The following MSI2 variants were observed in gnomAD, a reference collection of about 807,000 sequenced individuals.
The protein encoded by MSI2 is RNA-binding protein Musashi homolog 2.
Under a neutral mutation model 45.6 loss-of-function variants are expected in MSI2, and 17 were observed. The observed-to-expected ratio is 0.37, with a 90% confidence interval of 0.26 to 0.56. The LOEUF (loss-of-function observed/expected upper bound fraction) is 0.56. Among genes scored for constraint, MSI2 ranks in the 20% least tolerant of loss-of-function variants. MSI2 has a pLI of 0.77. For missense variants in MSI2, 293 were observed against 444.2 expected (o/e 0.66, Z 3.06); for synonymous variants, 156 against 158.2 (o/e 0.99, Z 0.11).
intron 6 of MSI2, among the ~76,000 whole-genome samples, chr17:57,429,621 C>A (rs1037472274): frequency 1.3e-5 from 2 of 152,202 alleles, no homozygotes; most frequent in African/African-American, 4.8e-5. Context: ...CCCACCTCCC[C>A]ACCCCTGGTT....
intron 5 of MSI2, among the ~76,000 whole-genome samples, chr17:57,386,202 C>T (rs1368263884): frequency 6.6e-6 from 1 of 152,328 alleles, no homozygotes; most frequent in Admixed American, 6.5e-5. Context: ...CATCTAACTT[C>T]ATCTTCTGAT....
intron 6 of MSI2, among the ~76,000 whole-genome samples, chr17:57,412,809 G>A (rs971233291): frequency 7.9e-5 from 12 of 152,204 alleles, no homozygotes; most frequent in African/African-American, 1.4e-4. Context: ...GCTAATAAGA[G>A]CATAGGTTGT....
At position 57,257,150 on chromosome 17, in the gene MSI2, AGGG is replaced by A; in HGVS notation, c.103+17_103+19del. 6 of 454,400 alleles carry A rather than the reference AGGG, an allele frequency of 1.3e-5. No homozygotes were observed. The highest frequency in any genetic ancestry group is 2.1e-5 in the Non-Finnish European group (5 of 241,220). 28.1% of individuals were successfully genotyped at this position (454,400 alleles called of 1,614,324 possible). Reference sequence around the variant, plus strand: ...GCAGACCTCACCAGGTAAGGGAGGGAGGGGGGGACGCCTGGGTCCCCCCCTTCT... The same window carrying A: ...GCAGACCTCACCAGGTAAGGGAGGGAGGGGACGCCTGGGTCCCCCCCTTCT... On this transcript the variant is annotated intron_variant, in intron 2 of 13. Coordinates refer to ENST00000284073, the MANE Select transcript of MSI2 (RefSeq NM_138962.4).
chr17:57,652,017 G>C lies in MSI2; in HGVS notation c.728-82G>C. On this transcript the variant is annotated intron_variant, in intron 10 of 13. Coordinates refer to ENST00000284073, the MANE Select transcript of MSI2 (RefSeq NM_138962.4). The surrounding 1 kb of genome is among the most constrained non-coding windows in gnomAD (Gnocchi z 4.1). The stretch of plus-strand genomic sequence containing the variant: ...CCTGTCTTTGTGTGGAGGGCGGGGG[G>C]TTGTGTGGCCCGTGACCTAGGTCTG... The C allele has an allele frequency of 2.3e-6, 3 of 1,307,964 alleles. No homozygotes were observed. The highest frequency in any genetic ancestry group is 3.3e-6 in the Non-Finnish European group (3 of 903,112). The allele number at this position is 1,307,964 out of a possible 1,614,324, so 81.0% of individuals were successfully genotyped here.
At chr17:57,581,813 C>T (rs2088213962) in intron 7 of MSI2, among the ~76,000 whole-genome samples, 1 of 152,190 alleles carries the variant, frequency 6.6e-6, no homozygotes, top group Non-Finnish European at 1.5e-5. Flanking sequence ...ATGATAAAAC[C>T]AGCATTTCGT....
At chr17:57,581,520 A>G (rs1455802375) in intron 7 of MSI2, among the ~76,000 whole-genome samples, 1 of 152,140 alleles carries the variant, frequency 6.6e-6, no homozygotes, top group Non-Finnish European at 1.5e-5. Flanking sequence ...AAACCCTTCC[A>G]TGTAGGTTCT....
chr17:57,569,766 A>G (rs1305281731), intron 7 of MSI2, among the ~76,000 whole-genome samples: 1 of 152,230 alleles, frequency 6.6e-6, no homozygotes, highest in African/African-American at 2.4e-5. Context: ...GAATGAATTA[A>G]CATGGAACCC....
intron 11 of MSI2, among the ~76,000 whole-genome samples, chr17:57,671,132 G>A (rs572086674): frequency 7.8e-4 from 118 of 152,248 alleles, no homozygotes; most frequent in South Asian, 1.0e-3. Context: ...GGGGCAAAGA[G>A]GAACCTGCCA....
At chr17:57,622,639 C>T (rs996720339) in intron 9 of MSI2, among the ~76,000 whole-genome samples, 2 of 150,264 alleles carry the variant, frequency 1.3e-5, no homozygotes, top group Non-Finnish European at 2.9e-5. Flanking sequence ...ACATTAAGCC[C>T]CCTGAAATGT....
At chr17:57,499,321 A>T (rs1368783487) in intron 6 of MSI2, among the ~76,000 whole-genome samples, 3 of 147,324 alleles carry the variant, frequency 2.0e-5, no homozygotes, top group Non-Finnish European at 4.5e-5. Context: ...GGTTGCAGTG[A>T]GCCGAGATTG....
intron 10 of MSI2, chr17:57,628,734 G>T (rs1394632802): frequency 6.6e-6 from 1 of 152,610 alleles, no homozygotes; most frequent in Non-Finnish European, 1.5e-5. Context: ...TGTCCCCTGG[G>T]GCTGGGATGG....
chr17:57,696,552 A>T, the MSI2 span, among the ~76,000 whole-genome samples: 2 of 152,092 alleles, frequency 1.3e-5, no homozygotes, highest in African/African-American at 4.8e-5. Context: ...TGGGGAACAT[A>T]GCAAGACCCC....
chr17:57,308,763 T>C (rs1406471489), intron 5 of MSI2, among the ~76,000 whole-genome samples: 1 of 152,222 alleles, frequency 6.6e-6, no homozygotes, highest in Non-Finnish European at 1.5e-5. Flanking sequence ...TCTCAGAGAC[T>C]GGCTCTTGAG....
rs371229333 is a variant in MSI2 at position 57,286,132 on chromosome 17, T to C, written c.312+23940T>C. 73 of 624,658 alleles carry C rather than the reference T, an allele frequency of 1.2e-4. 5 individuals are homozygous for C. The highest frequency in any genetic ancestry group is 9.5e-4 in the Admixed American group (25 of 26,246). The allele number at this position is 624,658 out of a possible 1,614,324, so 38.7% of individuals were successfully genotyped here. ...TTTGTCTAATACCTAATTCCTTATC[T>C]CATTTTTGGGATTTTGAGAGAATAA... On this transcript the variant is annotated intron_variant, in intron 5 of 13. Coordinates refer to ENST00000284073, the MANE Select transcript of MSI2 (RefSeq NM_138962.4).
intron 8 of MSI2, among the ~76,000 whole-genome samples, chr17:57,598,174 G>C (rs1433257702): frequency 2.0e-5 from 3 of 152,236 alleles, no homozygotes; most frequent in Non-Finnish European, 4.4e-5. Context: ...TTGGCCACGA[G>C]AGCCTCCAGC....
chr17:57,665,411 G>A (rs1297290214), intron 11 of MSI2, among the ~76,000 whole-genome samples: 1 of 152,224 alleles, frequency 6.6e-6, no homozygotes, highest in Non-Finnish European at 1.5e-5. Flanking sequence ...GGAGCTGAAT[G>A]GCTCTGTGCT....
At chr17:57,374,752 C>G (rs2083469665) in intron 5 of MSI2, among the ~76,000 whole-genome samples, 1 of 152,188 alleles carries the variant, frequency 6.6e-6, no homozygotes, top group Non-Finnish European at 1.5e-5. Context: ...GCACTCCAAC[C>G]TGGGCGGTAG....
chr17:57,431,121 C>A (rs1325269004), intron 6 of MSI2, among the ~76,000 whole-genome samples: 5 of 152,230 alleles, frequency 3.3e-5, no homozygotes, highest in Non-Finnish European at 5.9e-5. Flanking sequence ...CCTGCCCATT[C>A]ATTGTGACCC....
intron 5 of MSI2, among the ~76,000 whole-genome samples, chr17:57,335,210 T>C (rs1206003438): frequency 6.7e-6 from 1 of 148,386 alleles, no homozygotes; most frequent in African/African-American, 2.5e-5. Flanking sequence ...CAAGTATGAA[T>C]TGTTAGCTTT....
Sources: gnomAD v4.1 joint callset for allele counts (sites outside exome capture counted in the v4.1 genomes callset) on GRCh38, gnomAD v4.1.1 for gene constraint, Gnocchi (gnomAD v3.1) non-coding constraint, MANE v1.5 for transcripts, NCBI Gene and HGNC (gene_info 2026-07-23, HGNC 2026-07-21) for gene names.